The following ZNF704 variants were observed in gnomAD, a reference collection of about 807,000 sequenced individuals.
ZNF704 encodes the protein zinc finger protein 704, also known as glucocorticoid induced gene 1.
Under a neutral mutation model 44.7 loss-of-function variants are expected in ZNF704, and 10 were observed. That is an observed-to-expected ratio of 0.22 (90% CI 0.14 to 0.38). ZNF704 has a LOEUF of 0.38. ZNF704 is among the 10% of genes least tolerant of loss of function. The pLI is 1.00. For synonymous variants in ZNF704, 211 were observed against 207.6 expected (o/e 1.02, Z -0.14); for missense variants, 390 against 545.5 (o/e 0.71, Z 2.84).
intron 7 of ZNF704, among the ~76,000 whole-genome samples, chr8:80,645,387 G>A (rs1407558355): frequency 3.3e-5 from 5 of 152,130 alleles, no homozygotes; most frequent in African/African-American, 4.8e-5. Flanking sequence ...CTCTAGTACA[G>A]GTATTAGTAC....
At chr8:80,726,765 T>C (rs1458637238) in intron 2 of ZNF704, among the ~76,000 whole-genome samples, 1 of 152,028 alleles carries the variant, frequency 6.6e-6, no homozygotes, top group East Asian at 1.9e-4. Context: ...GAGAGAATAA[T>C]TTCCTTGAAA....
At chr8:80,814,824 A>T (rs1370558294) in intron 2 of ZNF704, among the ~76,000 whole-genome samples, 1 of 152,200 alleles carries the variant, frequency 6.6e-6, no homozygotes, top group Non-Finnish European at 1.5e-5. Context: ...TTAAACATTA[A>T]ACATTTGTTC....
intron 2 of ZNF704, among the ~76,000 whole-genome samples, chr8:80,746,756 C>T (rs1806851769): frequency 6.6e-6 from 1 of 152,154 alleles, no homozygotes; most frequent in East Asian, 1.9e-4. Context: ...AAACTCAGTC[C>T]TGGGTGCCAT....
chr8:80,801,573 A>C (rs1308940682), intron 2 of ZNF704, among the ~76,000 whole-genome samples: 8 of 152,232 alleles, frequency 5.3e-5, no homozygotes, highest in Admixed American at 5.2e-4. Context: ...CTGTTAGTTA[A>C]ATAATGAAAT....
chr8:80,651,748 G>A (rs1198953484), intron 7 of ZNF704, among the ~76,000 whole-genome samples: 2 of 152,122 alleles, frequency 1.3e-5, no homozygotes, highest in African/African-American at 4.8e-5. Flanking sequence ...GTCAACATTA[G>A]ACAGATCAAC....
In ZNF704 at chr8:80,863,632, T is replaced by C. The variant is rs1481483997; in HGVS notation, c.-22+10939A>G. Among the ~76,000 whole-genome samples the C allele has an allele frequency of 2.6e-5, 4 of 152,212 alleles. No homozygotes were observed. The South Asian group carries it at 8.3e-4, about 32-fold the overall frequency. On this transcript the variant is annotated intron_variant, in intron 1 of 8. Transcript: ENST00000327835. Reference sequence around the variant, plus strand: ...AGGTTATCAAGAAGATCAAGTAAGGTTGGCTATGAGGGCCTTCTATTAGTT... The same window carrying C: ...AGGTTATCAAGAAGATCAAGTAAGGCTGGCTATGAGGGCCTTCTATTAGTT...
At chr8:80,748,916 G>T (rs1806894027) in intron 2 of ZNF704, among the ~76,000 whole-genome samples, 1 of 152,138 alleles carries the variant, frequency 6.6e-6, no homozygotes, top group Admixed American at 6.5e-5. Flanking sequence ...TCAAACCCTG[G>T]TTCATTTAAC....
In ZNF704 at chr8:80,664,136, C is replaced by G. The variant is rs180881142; in HGVS notation, c.927+679G>C. 4.1e-3 allele frequency among the ~76,000 whole-genome samples: 624 copies of G among 151,538 alleles called. 2 individuals carry two copies. Among genetic ancestry groups the G allele is most frequent in the African/African-American group, 0.015 (607 of 41,264 alleles). On this transcript the variant is annotated intron_variant, in intron 6 of 8. Transcript: ENST00000327835. ...TTTTTGAAACAGAGTCTCGCTCTGT[C>G]GCCAGGCTGGAGTACAGTGGTGCGA...
rs1246353536 is a variant in ZNF704, at chr8:80,640,613, T to C, written c.*753A>G. On this transcript the variant is annotated 3_prime_UTR_variant, in exon 9 of 9. Transcript: ENST00000327835. ...TGCTGCCTTTAGGGGAAGAGCTTCTTATGGATCCAAGGAAGACTCCTAGAT... is the reference window on the plus strand; with the variant it reads ...TGCTGCCTTTAGGGGAAGAGCTTCTCATGGATCCAAGGAAGACTCCTAGAT... 2 of 152,168 alleles carry C rather than the reference T, an allele frequency of 1.3e-5. No individual in the cohort carries two copies. The highest frequency in any genetic ancestry group is 2.4e-5 in the African/African-American group (1 of 41,438). The allele number at this position is 152,168 out of a possible 1,614,324, so 9.4% of individuals were successfully genotyped here. A position where few individuals can be genotyped will look rare whatever the true frequency, so the allele number is the denominator to read the frequency against.
the ZNF704 span, among the ~76,000 whole-genome samples, chr8:80,879,805 T>C: frequency 6.6e-6 from 1 of 152,198 alleles, no homozygotes; most frequent in Non-Finnish European, 1.5e-5. Flanking sequence ...GTGTAATTAT[T>C]TCCTACTAAT....
At chr8:80,784,235 C>T (rs1384501482) in intron 2 of ZNF704, among the ~76,000 whole-genome samples, 1 of 152,162 alleles carries the variant, frequency 6.6e-6, no homozygotes, top group Non-Finnish European at 1.5e-5. Context: ...GATCTATATG[C>T]AGGTTTTGGT....
intron 2 of ZNF704, among the ~76,000 whole-genome samples, chr8:80,724,870 C>T (rs1033465907): frequency 3.9e-5 from 6 of 152,132 alleles, no homozygotes; most frequent in African/African-American, 7.2e-5. Context: ...CCCACAATGC[C>T]GTTCAAGCAG....
intron 2 of ZNF704, among the ~76,000 whole-genome samples, chr8:80,728,909 C>G (rs1202984248): frequency 2.0e-5 from 3 of 152,158 alleles, no homozygotes; most frequent in African/African-American, 7.2e-5. Flanking sequence ...AATGAAGTGA[C>G]TAGTCCAGAG....
At chr8:80,827,282 C>G (rs537373060) in intron 1 of ZNF704, among the ~76,000 whole-genome samples, 17 of 152,244 alleles carry the variant, frequency 1.1e-4, no homozygotes, top group African/African-American at 4.1e-4. Context: ...ACACCAATAA[C>G]AGACAAACAG....
chr8:80,733,416 G>A (rs748549196), intron 2 of ZNF704, among the ~76,000 whole-genome samples: 33 of 152,030 alleles, frequency 2.2e-4, no homozygotes, highest in Non-Finnish European at 4.4e-4. Context: ...ACATTTTTTT[G>A]AGATGTACTT....
chr8:80,743,191 C>CA (rs59886049), intron 2 of ZNF704, among the ~76,000 whole-genome samples: 4,548 of 34,706 alleles, frequency 0.13, 295 homozygotes, highest in Non-Finnish European at 0.16. Flanking sequence ...CTTGCAACTG[C>CA]AAAAAAAAAA....
chr8:80,798,366 G>A (rs578245110), intron 2 of ZNF704, among the ~76,000 whole-genome samples: 17 of 151,386 alleles, frequency 1.1e-4, no homozygotes, highest in African/African-American at 3.6e-4. Context: ...AGTGATTCTC[G>A]TGCCTCAGCC....
intron 2 of ZNF704, among the ~76,000 whole-genome samples, chr8:80,698,983 A>C (rs1818768933): frequency 6.6e-6 from 1 of 152,222 alleles, no homozygotes. Flanking sequence ...GAGCCATAAA[A>C]GACATTTATC....
rs1479176064 is a variant in ZNF704, at chr8:80,637,361, G to A, written c.*4005C>T. The A allele has an allele frequency of 6.6e-6, 1 of 152,074 alleles. No individual in the cohort carries two copies. The highest frequency in any genetic ancestry group is 1.5e-5 in the Non-Finnish European group (1 of 68,024). 9.4% of individuals were successfully genotyped at this position (152,074 alleles called of 1,614,324 possible). Reference sequence around the variant, plus strand: ...ACAGTATTTTGCTACTATTCTCAAGGTATTCTCTGTTATATGTACAATTCT... The same window carrying A: ...ACAGTATTTTGCTACTATTCTCAAGATATTCTCTGTTATATGTACAATTCT... On this transcript the variant is annotated 3_prime_UTR_variant, in exon 9 of 9. Transcript: ENST00000327835.
Sources: allele counts gnomAD v4.1 joint callset (sites outside exome capture counted in the v4.1 genomes callset), GRCh38; gene constraint gnomAD v4.1.1; transcripts MANE v1.5; gene names NCBI Gene and HGNC (gene_info 2026-07-23, HGNC 2026-07-21).